The following SEL1L variants were observed in gnomAD, a reference collection of about 807,000 sequenced individuals.
SEL1L encodes SEL1L adaptor subunit of SYVN1 ubiquitin ligase.
SEL1L carries 52 observed loss-of-function variants against 109.8 expected under a neutral mutation model. The observed-to-expected ratio is 0.47, with a 90% CI of 0.38 to 0.60. SEL1L has a LOEUF of 0.60. Ranked by LOEUF, SEL1L falls within the 20% of genes least tolerant of loss-of-function variation. The pLI is 0.00. For missense variants in SEL1L, 749 were observed against 962.2 expected (o/e 0.78, Z 2.93); for synonymous variants, 373 against 339.6 (o/e 1.10, Z -1.08).
chr14:81,525,219 G>C (rs575787778), intron 3 of SEL1L, among the ~76,000 whole-genome samples: 8 of 152,184 alleles, frequency 5.3e-5, no homozygotes, highest in Admixed American at 4.6e-4. Context: ...GGGTTGGTAA[G>C]GGGTGTCATT....
intron 1 of SEL1L, among the ~76,000 whole-genome samples, chr14:81,529,147 A>C (rs1474037911): frequency 1.3e-5 from 2 of 152,140 alleles, no homozygotes; most frequent in Non-Finnish European, 2.9e-5. Flanking sequence ...AGCGCCCATA[A>C]CATTAGGCAA....
Position 81,476,152 on chromosome 14 carries a change from C to T in SEL1L, c.*820G>A, listed in dbSNP as rs1309665211. ...TGTTTTCTAATTTCTCCCACTTAGT[C>T]CATCCTCTGGCTTCTGGATCAAGGC... is the stretch of plus-strand genomic sequence containing the variant. On this transcript the variant is annotated 3_prime_UTR_variant, in exon 21 of 21. Coordinates refer to ENST00000336735, the MANE Select transcript of SEL1L (RefSeq NM_005065.6). The T allele has an allele frequency of 6.6e-6, 1 of 152,184 alleles. No homozygotes were observed. Among genetic ancestry groups the T allele is most frequent in the African/African-American group, 2.4e-5 (1 of 41,444 alleles). The allele number at this position is 152,184 out of a possible 1,614,324, so 9.4% of individuals were successfully genotyped here. A position where few individuals can be genotyped will look rare whatever the true frequency, so the allele number is the denominator to read the frequency against.
chr14:81,499,409 C>CA (rs748535864), intron 8 of SEL1L, 50 bp downstream of exon 8: 2 of 1,584,418 alleles, frequency 1.3e-6, no homozygotes, highest in Admixed American at 3.9e-5. Flanking sequence ...CTATAAACCA[C>CA]AAATTCTTCT....
chr14:81,513,190 C>T (rs898340359), intron 3 of SEL1L, among the ~76,000 whole-genome samples: 4 of 152,308 alleles, frequency 2.6e-5, no homozygotes, highest in African/African-American at 9.6e-5. Flanking sequence ...GACCAATCAG[C>T]GCTCCGTAAA....
At chr14:81,517,205 A>G (rs1010055645) in intron 3 of SEL1L, among the ~76,000 whole-genome samples, 5 of 152,188 alleles carry the variant, frequency 3.3e-5, no homozygotes, top group African/African-American at 9.7e-5. Context: ...TCTGAAAGTA[A>G]AAGATCCAGC....
At chr14:81,523,282 G>A (rs927908370) in intron 3 of SEL1L, among the ~76,000 whole-genome samples, 6 of 152,240 alleles carry the variant, frequency 3.9e-5, no homozygotes, top group South Asian at 2.1e-4. Context: ...ATAAATCAAC[G>A]CGCAATGATT....
chr14:81,483,655 G>A (rs1903427857), intron 19 of SEL1L, among the ~76,000 whole-genome samples: 1 of 152,110 alleles, frequency 6.6e-6, no homozygotes, highest in Non-Finnish European at 1.5e-5. Context: ...GATATTTTAA[G>A]GGTAATTAAT....
rs1433770362 is a variant in SEL1L, at chr14:81,502,758, T to A, written c.740A>T (p.Glu247Val). ...QNIQAAREMF[E>V]KLTEEGSPKG... is the part of the protein sequence containing the mutation. ...GGGAGAGCCTTCCTCAGTCAGCTTC[T>A]CAAACATCTCTCTCGCTGCCTGGAT... is the stretch of plus-strand genomic sequence containing the variant. Residue 247 changes from glutamate to valine, a missense_variant, in exon 6 of 21, where the codon GAG becomes GTG. By Grantham distance (121) the Glu-to-Val change is moderately radical. This residue lies in a region of SEL1L where 366 missense variants were observed against 399.8 expected (regional missense o/e 0.92). Coordinates refer to ENST00000336735, the MANE Select transcript of SEL1L (RefSeq NM_005065.6). The A allele has an allele frequency of 6.2e-7, 1 of 1,614,004 alleles. No individual in the cohort carries two copies. Among genetic ancestry groups the A allele is most frequent in the Non-Finnish European group, 8.5e-7 (1 of 1,180,000 alleles).
Position 81,473,175 on chromosome 14 carries a change from T to C in SEL1L, c.*3797A>G, listed in dbSNP as rs1000534710. On this transcript the variant is annotated 3_prime_UTR_variant, in exon 21 of 21. Coordinates refer to ENST00000336735, the MANE Select transcript of SEL1L (RefSeq NM_005065.6). Reference sequence around the variant, plus strand: ...TTACATCTTGATTATATCAACATTATGAGTTTTATGAGTTTATTTTCTAAT... The same window carrying C: ...TTACATCTTGATTATATCAACATTACGAGTTTTATGAGTTTATTTTCTAAT... 6.6e-6 allele frequency: 1 copy of C among 152,222 alleles called. No homozygotes were observed. The highest frequency in any genetic ancestry group is 1.5e-5 in the Non-Finnish European group (1 of 68,042). 9.4% of individuals were successfully genotyped at this position (152,222 alleles called of 1,614,324 possible).
chr14:81,495,807 G>T (rs1883724120), intron 10 of SEL1L, among the ~76,000 whole-genome samples: 1 of 151,110 alleles, frequency 6.6e-6, no homozygotes, highest in Non-Finnish European at 1.5e-5. Flanking sequence ...TGTGGTGATG[G>T]ACATCTGTAA....
At chr14:81,492,257 C>T (rs896109693) in intron 12 of SEL1L, among the ~76,000 whole-genome samples, 13 of 152,174 alleles carry the variant, frequency 8.5e-5, no homozygotes, top group Non-Finnish European at 1.6e-4. Flanking sequence ...TCCCAAAGTG[C>T]TGGGATTACA....
At position 81,506,291 on chromosome 14, in the gene SEL1L, T is replaced by C. The variant is rs746231546; in HGVS notation, c.341-50A>G. 22 of 1,449,948 alleles carry C rather than the reference T, an allele frequency of 1.5e-5. No homozygotes were observed. In the East Asian group the frequency reaches 2.5e-4, roughly 17 times the overall value. The allele number at this position is 1,449,948 out of a possible 1,614,324, so 89.8% of individuals were successfully genotyped here. ...TAAACATGAAACAACACCTCTGGTATTCATGGATTCAATGCCATCAATTTT... is the reference window on the plus strand; with the variant it reads ...TAAACATGAAACAACACCTCTGGTACTCATGGATTCAATGCCATCAATTTT... On this transcript the variant is annotated intron_variant, in intron 3 of 20. Transcript: ENST00000336735.
In SEL1L at chr14:81,533,741, G is replaced by T. The variant is rs200422970; in HGVS notation, c.4C>A (p.Arg2=). 1 of 1,612,770 alleles carries T rather than the reference G, an allele frequency of 6.2e-7. No individual in the cohort carries two copies. The highest frequency in any genetic ancestry group is 1.1e-5 in the South Asian group (1 of 90,960). The change falls in exon 1 of 21, where the codon CGG becomes AGG. Residue 2 remains arginine (R), a synonymous_variant. Transcript: ENST00000336735. ...AGCAGCGTCAGCCCTATCCGGACCC[G>T]CATCCTCCTCTCGGGGCCGGTGCCA... M[R]VRIGLTLLLC...
In SEL1L at chr14:81,531,562, C is replaced by CTT. The variant is rs796815898; in HGVS notation, c.70+2111_70+2112dup. Among the ~76,000 whole-genome samples the CTT allele has an allele frequency of 4.0e-5, 6 of 149,028 alleles. 1 individual carries two copies. The highest frequency in any genetic ancestry group is 1.5e-4 in the African/African-American group (6 of 40,736). On this transcript the variant is annotated intron_variant, in intron 1 of 20. Coordinates refer to ENST00000336735, the MANE Select transcript of SEL1L (RefSeq NM_005065.6). ...ATTTAACACAGGGTTGTTTTTTTTT[C>CTT]TTTTTTTTTGAGACAGGGTCTCGCT...
intron 6 of SEL1L, among the ~76,000 whole-genome samples, chr14:81,500,385 AC>A (rs1883955413): frequency 6.6e-6 from 1 of 151,906 alleles, no homozygotes; most frequent in Admixed American, 6.6e-5. Flanking sequence ...AGGTGCCGCC[AC>A]CATGCCCAGC....
At chr14:81,478,150 TG>T (rs1319182176) in intron 20 of SEL1L, among the ~76,000 whole-genome samples, 9 of 152,258 alleles carry the variant, frequency 5.9e-5, no homozygotes, top group African/African-American at 2.2e-4. Flanking sequence ...AAAGTAAACA[TG>T]GGGTATAATT....
At chr14:81,501,286 G>A (rs1384978967) in intron 6 of SEL1L, among the ~76,000 whole-genome samples, 1 of 152,142 alleles carries the variant, frequency 6.6e-6, no homozygotes, top group Admixed American at 6.5e-5. Flanking sequence ...GGTTTTGTCT[G>A]TTGCATCAAC....
Position 81,492,555 on chromosome 14 carries a change from G to C in SEL1L, c.1186-7C>G, listed in dbSNP as rs770778275. ...TGAAGTAGTCAAATGCTCTCTATGAGAAAAGAATTTATTAAAATAATTAGT... is the reference window on the plus strand; with the variant it reads ...TGAAGTAGTCAAATGCTCTCTATGACAAAAGAATTTATTAAAATAATTAGT... On this transcript the variant is annotated splice_region_variant and splice_polypyrimidine_tract_variant and intron_variant, in intron 11 of 20. Coordinates refer to ENST00000336735, the MANE Select transcript of SEL1L (RefSeq NM_005065.6). 3 of 1,573,862 alleles carry C rather than the reference G, an allele frequency of 1.9e-6. No homozygotes were observed. The East Asian group carries it at 6.7e-5, about 35-fold the overall frequency.
In SEL1L at chr14:81,499,614, C is replaced by T; in HGVS notation, c.826G>A (p.Ala276Thr). 1.9e-6 allele frequency: 3 copies of T among 1,610,782 alleles called. No individual in the cohort carries two copies. The highest frequency in any genetic ancestry group is 2.5e-6 in the Non-Finnish European group (3 of 1,179,362). ...TAAAGTTTTAATAGTATTACCTTTG[C>T]CTGACTTGAATTAACACCAAGTCCA... ...ASGLGVNSSQAKALVYYTFGA... is the reference protein window; with the variant it reads ...ASGLGVNSSQTKALVYYTFGA... The change falls in exon 7 of 21, where the codon GCA becomes ACA. Residue 276 changes from alanine (A) to threonine (T), a missense_variant. Physicochemically the swap from Ala to Thr is moderately conservative, Grantham distance 58. Around this residue, in one of 2 missense-constraint regions of SEL1L, gnomAD observed 366 missense variants for 399.8 expected, o/e 0.92. Coordinates refer to ENST00000336735, the MANE Select transcript of SEL1L (RefSeq NM_005065.6).
Sources: gnomAD v4.1 joint callset for allele counts (sites outside exome capture counted in the v4.1 genomes callset) on GRCh38, gnomAD v4.1.1 for gene constraint, gnomAD v4.1.1 regional missense constraint, MANE v1.5 for transcripts, NCBI Gene and HGNC (gene_info 2026-07-23, HGNC 2026-07-21) for gene names.